The following PLA2R1 variants were observed in gnomAD, a reference collection of about 807,000 sequenced individuals.
The protein encoded by PLA2R1 is secretory phospholipase A2 receptor.
A neutral mutation model predicts 195.9 loss-of-function variants in PLA2R1; 158 were observed. The ratio of observed to expected loss-of-function variants is 0.81; its 90% CI spans 0.71 to 0.92. The LOEUF is 0.92. Among genes scored for constraint, PLA2R1 ranks in the 40% least tolerant of loss-of-function variants. The pLI is 0.00. For synonymous variants in PLA2R1, 586 were observed against 598.2 expected (o/e 0.98, Z 0.30); for missense variants, 1,626 against 1,764.6 (o/e 0.92, Z 1.41).
intron 1 of PLA2R1, among the ~76,000 whole-genome samples, chr2:160,052,850 T>C (rs1353537008): frequency 1.3e-5 from 2 of 152,186 alleles, no homozygotes; most frequent in Non-Finnish European, 2.9e-5. Context: ...GAGCTATCCA[T>C]CTTAGCCGCC....
intron 17 of PLA2R1, among the ~76,000 whole-genome samples, chr2:159,972,659 T>C (rs2105254861): frequency 6.6e-6 from 1 of 152,314 alleles, no homozygotes; most frequent in East Asian, 1.9e-4. Flanking sequence ...AATTTAATAA[T>C]AATGGTAAAT....
intron 17 of PLA2R1, among the ~76,000 whole-genome samples, chr2:159,974,790 C>T (rs772035061): frequency 2.0e-5 from 3 of 152,090 alleles, no homozygotes; most frequent in African/African-American, 4.8e-5. Context: ...CTCTTTTTCT[C>T]GGCTTCTTCA....
chr2:159,944,130 C>T (rs867107474), intron 28 of PLA2R1, among the ~76,000 whole-genome samples: 53 of 152,266 alleles, frequency 3.5e-4, no homozygotes, highest in Admixed American at 1.4e-3. Flanking sequence ...CAATTTTATT[C>T]CCATCACCCC....
chr2:159,992,795 T>C (rs1690916744), intron 11 of PLA2R1, among the ~76,000 whole-genome samples: 1 of 152,190 alleles, frequency 6.6e-6, no homozygotes, highest in Non-Finnish European at 1.5e-5. Flanking sequence ...AAAATAAACC[T>C]GACTTACTCT....
At position 159,976,369 on chromosome 2, in the gene PLA2R1, T is replaced by G. The variant is rs777209391; in HGVS notation, c.2438-144A>C. ...TTGAACACACACACACAGACACATA[T>G]GCACATAAATAGATATATAACTTGC... is the stretch of plus-strand genomic sequence containing the variant. On this transcript the variant is annotated intron_variant, in intron 16 of 29. Coordinates refer to ENST00000283243, the MANE Select transcript of PLA2R1 (RefSeq NM_007366.5). 1.6e-5 allele frequency: 10 copies of G among 619,332 alleles called. 1 individual carries two copies. The highest frequency in any genetic ancestry group is 2.5e-5 in the Non-Finnish European group (9 of 353,710). The allele number at this position is 619,332 out of a possible 1,614,324, so 38.4% of individuals were successfully genotyped here. A position where few individuals can be genotyped will look rare whatever the true frequency, so the allele number is the denominator to read the frequency against.
At position 159,982,807 on chromosome 2, in the gene PLA2R1, T is replaced by C. The variant is rs149087328; in HGVS notation, c.2183+1121A>G. Among the ~76,000 whole-genome samples, 13 of 152,346 alleles carry C rather than the reference T, an allele frequency of 8.5e-5. No homozygotes were observed. The East Asian group carries it at 1.7e-3, about 20-fold the overall frequency. On this transcript the variant is annotated intron_variant, in intron 13 of 29. Transcript: ENST00000283243. ...CTCTGGGATTCAGGCCAGTGTTTCA[T>C]TGAGACTCTAGATTTCCAGAGCCTG... is the stretch of plus-strand genomic sequence containing the variant.
intron 20 of PLA2R1, among the ~76,000 whole-genome samples, chr2:159,961,689 G>A (rs1688453723): frequency 1.3e-5 from 2 of 152,068 alleles, no homozygotes; most frequent in South Asian, 4.1e-4. Flanking sequence ...GCATTCACTT[G>A]CTCTTTTGCC....
At chr2:159,960,180 G>T (rs537765185) in intron 20 of PLA2R1, among the ~76,000 whole-genome samples, 1 of 152,062 alleles carries the variant, frequency 6.6e-6, no homozygotes, top group Non-Finnish European at 1.5e-5. Context: ...CCACCTTGCT[G>T]CAGGACCTTA....
chr2:159,985,796 T>C (rs1023732651), intron 12 of PLA2R1, among the ~76,000 whole-genome samples: 6 of 152,144 alleles, frequency 3.9e-5, no homozygotes, highest in African/African-American at 1.4e-4. Context: ...GGGGCCTCAA[T>C]ATTGCAGGAG....
chr2:159,978,602 C>T (rs1163144235), intron 14 of PLA2R1, among the ~76,000 whole-genome samples: 1 of 152,182 alleles, frequency 6.6e-6, no homozygotes, highest in Non-Finnish European at 1.5e-5. Context: ...TTCTCAACTT[C>T]TATGTGTCAC....
chr2:159,957,015 AG>A (rs1160672233), intron 20 of PLA2R1, among the ~76,000 whole-genome samples: 3 of 152,096 alleles, frequency 2.0e-5, no homozygotes, highest in Admixed American at 2.0e-4. Context: ...GGCAATGAAC[AG>A]CTTAGTTCAA....
At chr2:160,017,711 C>A (rs1456475922) in intron 8 of PLA2R1, among the ~76,000 whole-genome samples, 1 of 152,126 alleles carries the variant, frequency 6.6e-6, no homozygotes, top group Non-Finnish European at 1.5e-5. Context: ...TTTATCCTCC[C>A]ATAGGATTTT....
intron 4 of PLA2R1, among the ~76,000 whole-genome samples, chr2:160,030,922 G>T (rs1693813029): frequency 6.6e-6 from 1 of 152,112 alleles, no homozygotes; most frequent in Non-Finnish European, 1.5e-5. Flanking sequence ...CAAATTTGAT[G>T]AATAAGTCCA....
intron 4 of PLA2R1, among the ~76,000 whole-genome samples, chr2:160,029,312 G>A (rs1056135387): frequency 6.6e-6 from 1 of 152,212 alleles, no homozygotes; most frequent in African/African-American, 2.4e-5. Flanking sequence ...GAAGAGGTGT[G>A]CAGGGTCAGT....
intron 3 of PLA2R1, among the ~76,000 whole-genome samples, chr2:160,034,728 T>G (rs1694068341): frequency 6.6e-6 from 1 of 151,948 alleles, no homozygotes; most frequent in Admixed American, 6.6e-5. Flanking sequence ...AAGTCAGGAG[T>G]TCGAGACCAG....
rs537449131 is a variant in PLA2R1 at position 160,007,206 on chromosome 2, T to C, written c.1665-1385A>G. On this transcript the variant is annotated intron_variant, in intron 10 of 29. Coordinates refer to ENST00000283243, the MANE Select transcript of PLA2R1 (RefSeq NM_007366.5). ...TGCCTACATGCTGTTGTAATTTTCC[T>C]TACACTTCTGTTGGTTCATGCTCTC... 8.5e-5 allele frequency among the ~76,000 whole-genome samples: 13 copies of C among 152,344 alleles called. No individual in the cohort carries two copies. The East Asian group carries it at 2.1e-3, about 25-fold the overall frequency.
intron 4 of PLA2R1, 64 bp downstream of exon 4, chr2:160,032,895 G>T: frequency 8.7e-7 from 1 of 1,155,938 alleles, no homozygotes; most frequent in African/African-American, 1.6e-5. Flanking sequence ...TTTTGTATAT[G>T]TGAAAACAGT....
At chr2:159,943,075 T>C (rs1687179673) in intron 28 of PLA2R1, among the ~76,000 whole-genome samples, 1 of 151,082 alleles carries the variant, frequency 6.6e-6, no homozygotes, top group South Asian at 2.1e-4. Flanking sequence ...GTTCAAGCAA[T>C]TCTCTTGCCT....
intron 18 of PLA2R1, among the ~76,000 whole-genome samples, chr2:159,969,736 T>C (rs1689028216): frequency 6.6e-6 from 1 of 152,024 alleles, no homozygotes; most frequent in Non-Finnish European, 1.5e-5. Context: ...AGAGAGAGAG[T>C]TTCTCCATGT....
Sources: gnomAD v4.1 joint callset for allele counts (sites outside exome capture counted in the v4.1 genomes callset) on GRCh38, gnomAD v4.1.1 for gene constraint, MANE v1.5 for transcripts, NCBI Gene and HGNC (gene_info 2026-07-23, HGNC 2026-07-21) for gene names.